The following FHIP2A variants were observed in gnomAD, a reference collection of about 807,000 sequenced individuals.
FHIP2A encodes family with sequence similarity 160 member B1.
FHIP2A carries 46 observed loss-of-function variants against 93.5 expected under a neutral mutation model. That is an observed-to-expected ratio of 0.49 (90% CI 0.39 to 0.63). The LOEUF (loss-of-function observed/expected upper bound fraction) is 0.63. Among genes scored for constraint, FHIP2A ranks in the 20% least tolerant of loss-of-function variants. The probability of loss-of-function intolerance (pLI) is 0.00; values close to 1 mark genes in which losing one functional copy is unlikely to be tolerated. For missense variants in FHIP2A, 769 were observed against 909.7 expected, an observed-to-expected ratio of 0.85 and a Z score of 1.99; for synonymous variants, 332 against 326.5, an observed-to-expected ratio of 1.02 and a Z score of -0.18.
rs796714377 is a variant in FHIP2A at position 114,875,912 on chromosome 10, G to A, written c.2192+14578G>A. On this transcript the variant is annotated intron_variant, in intron 16 of 16. Transcript: ENST00000369250. The stretch of plus-strand genomic sequence containing the variant: ...AGAGAGAGAAAGAAATAAAGAAAGA[G>A]AAAGAAAGAAAGAAAGAAAGAGAAA... 9.2e-3 allele frequency among the ~76,000 whole-genome samples: 414 copies of A among 44,834 alleles called. 11 individuals carry two copies. Among genetic ancestry groups the A allele is most frequent in the African/African-American group, 0.015 (216 of 14,144 alleles). 29.4% of individuals were successfully genotyped at this position (44,834 alleles called of 152,430 possible).
chr10:114,826,161 C>A (rs1391076427), intron 1 of FHIP2A, among the ~76,000 whole-genome samples: 3 of 152,220 alleles, frequency 2.0e-5, no homozygotes, highest in Admixed American at 6.5e-5. Context: ...TGAGTCACCA[C>A]GAAAGCCTGG....
chr10:114,861,438 T>C lies in FHIP2A; in HGVS notation c.2196T>C (p.Ile732=). 6.2e-7 allele frequency: 1 copy of C among 1,614,128 alleles called. No homozygotes were observed. Among genetic ancestry groups the C allele is most frequent in the Non-Finnish European group, 8.5e-7 (1 of 1,180,012 alleles). Residue 732 remains isoleucine, a synonymous_variant, in exon 17 of 17, where the codon ATT becomes ATC. Coordinates refer to ENST00000369248, the MANE Select transcript of FHIP2A (RefSeq NM_020940.4). The part of the protein sequence containing the change: ...LLGLEPEGPI[I]DHITLLEGVI... ...TTGTCTGTTTTTTCCTTACCAGTAT[T>C]GACCACATCACACTGCTAGAGGGTG...
At chr10:114,882,785 G>C (rs926281427) in intron 16 of FHIP2A, among the ~76,000 whole-genome samples, 2 of 151,456 alleles carry the variant, frequency 1.3e-5, no homozygotes, top group Non-Finnish European at 2.9e-5. Flanking sequence ...TGAGGCAGGA[G>C]AATTGCTTGA....
chr10:114,833,435 A>G lies in FHIP2A; in HGVS notation c.294+33A>G, dbSNP rs59760966. On this transcript the variant is annotated intron_variant, in intron 3 of 16. Coordinates refer to ENST00000369248, the MANE Select transcript of FHIP2A (RefSeq NM_020940.4). Reference sequence around the variant, plus strand: ...CCTGATCCACACCATGTTCTTGGGCATTAGTACATGCATTAATGTCTTACG... The same window carrying G: ...CCTGATCCACACCATGTTCTTGGGCGTTAGTACATGCATTAATGTCTTACG... 1.4e-3 allele frequency: 2,244 copies of G among 1,575,732 alleles called. 21 individuals carry two copies. The African/African-American group carries it at 0.028, about 19-fold the overall frequency.
At chr10:114,859,787 A>G (rs1312818921) in intron 14 of FHIP2A, among the ~76,000 whole-genome samples, 2 of 152,232 alleles carry the variant, frequency 1.3e-5, no homozygotes, top group South Asian at 4.1e-4. Context: ...GGAACTGTAC[A>G]CAGATATACA....
At chr10:114,898,585 C>T (rs2084012174) in intron 16 of FHIP2A, among the ~76,000 whole-genome samples, 1 of 152,178 alleles carries the variant, frequency 6.6e-6, no homozygotes, top group East Asian at 1.9e-4. Context: ...CTCTCCCCGA[C>T]TCTTAGGTTA....
chr10:114,845,156 C>T (rs766682871), intron 7 of FHIP2A, among the ~76,000 whole-genome samples: 8 of 152,090 alleles, frequency 5.3e-5, no homozygotes, highest in Non-Finnish European at 7.4e-5. Context: ...CTACTTAATA[C>T]GTGAAAATTA....
At chr10:114,867,468 A>G (rs2083835306), downstream of FHIP2A, among the ~76,000 whole-genome samples, 1 of 152,202 alleles carries the variant, frequency 6.6e-6, no homozygotes, top group Non-Finnish European at 1.5e-5. Context: ...AAACCAAAAG[A>G]TTAAATTGGA....
chr10:114,840,665 G>A (rs11196945), intron 5 of FHIP2A, among the ~76,000 whole-genome samples: 62,552 of 151,964 alleles, frequency 0.41, 13,434 homozygotes, highest in Non-Finnish European at 0.48. Flanking sequence ...GGCTCTATAT[G>A]GCCTTGTAAC....
chr10:114,869,516 G>A (rs1303279889), downstream of FHIP2A, among the ~76,000 whole-genome samples: 1 of 151,988 alleles, frequency 6.6e-6, no homozygotes, highest in African/African-American at 2.4e-5. Context: ...CGTTGGTGTT[G>A]GGCTCCCACA....
rs79881407 is a variant in FHIP2A at position 114,889,953 on chromosome 10, C to A, written c.2193-9537C>A. Among the ~76,000 whole-genome samples the A allele has an allele frequency of 9.3e-3, 1,424 of 152,326 alleles. 26 individuals are homozygous for A. The highest frequency in any genetic ancestry group is 0.016 in the Non-Finnish European group (1,088 of 68,022). On this transcript the variant is annotated intron_variant, in intron 16 of 16. Coordinates refer to the FHIP2A transcript ENST00000369250. ...CATTGCTTTGCCAGGTTTCCCGGAG[C>A]CAACCCCACAGTGACCTTGCCCCAT... is the stretch of plus-strand genomic sequence containing the variant.
intron 16 of FHIP2A, among the ~76,000 whole-genome samples, chr10:114,892,963 A>C (rs1161742877): frequency 1.3e-5 from 2 of 152,208 alleles, no homozygotes; most frequent in African/African-American, 4.8e-5. Context: ...CTAAACATTA[A>C]ACAGGGATAA....
At chr10:114,891,219 A>AC (rs1041197298) in intron 16 of FHIP2A, among the ~76,000 whole-genome samples, 5 of 138,466 alleles carry the variant, frequency 3.6e-5, no homozygotes, top group African/African-American at 1.3e-4. Flanking sequence ...AACAACAACA[A>AC]ATATATATAT....
rs531977982 is a variant in FHIP2A at position 114,845,945 on chromosome 10, T to C, written c.1129-68T>C. The C allele has an allele frequency of 1.8e-4, 227 of 1,242,872 alleles. 2 individuals carry two copies. In the Admixed American group the frequency reaches 4.3e-3, roughly 23 times the overall value. The allele number at this position is 1,242,872 out of a possible 1,614,324, so 77.0% of individuals were successfully genotyped here. On this transcript the variant is annotated intron_variant, in intron 8 of 16. Transcript: ENST00000369248. ...AATTCAGTTGGGAGTCCAAACTGAT[T>C]TATTGATGTTACAAATTAGTCTTTC...
intron 16 of FHIP2A, among the ~76,000 whole-genome samples, chr10:114,877,651 T>C (rs1592031739): frequency 6.6e-6 from 1 of 152,114 alleles, no homozygotes; most frequent in Admixed American, 6.5e-5. Flanking sequence ...AAAATTCTAA[T>C]TGAGACATTG....
At chr10:114,857,482 G>A (rs1430560161) in intron 14 of FHIP2A, among the ~76,000 whole-genome samples, 2 of 151,248 alleles carry the variant, frequency 1.3e-5, no homozygotes, top group Non-Finnish European at 2.9e-5. Flanking sequence ...GCAAATTTTT[G>A]TATTTTTAAT....
intron 1 of FHIP2A, among the ~76,000 whole-genome samples, chr10:114,829,595 A>C (rs1324304870): frequency 6.6e-6 from 1 of 152,162 alleles, no homozygotes; most frequent in Non-Finnish European, 1.5e-5. Flanking sequence ...CAGGGTCTTT[A>C]TGACCTGTAT....
intron 14 of FHIP2A, among the ~76,000 whole-genome samples, chr10:114,857,314 C>CTTTTTTTTTTTTTTT (rs78583275): frequency 0.015 from 1,850 of 120,256 alleles, 223 homozygotes; most frequent in Non-Finnish European, 0.022. Flanking sequence ...ATTTCTTCTT[C>CTTTTTTTTTTTTTTT]TTTTTTTTTT....
At position 114,842,966 on chromosome 10, in the gene FHIP2A, C is replaced by G. The variant is rs933794367; in HGVS notation, c.556C>G (p.Pro186Ala). Residue 186 changes from proline to alanine, a missense_variant, in exon 6 of 17, where the codon CCA becomes GCA. Pro to Ala is a conservative substitution (Grantham distance 27). Transcript: ENST00000369248. ...KMKSLASKGVPNVISEDTLKG... is the reference protein window; with the variant it reads ...KMKSLASKGVANVISEDTLKG... ...GAAATCATTGGCTTCCAAAGGAGTA[C>G]CAAATGTAATTTCAGAAGATACATT... 6.2e-7 allele frequency: 1 copy of G among 1,607,984 alleles called. No homozygotes were observed. The highest frequency in any genetic ancestry group is 8.5e-7 in the Non-Finnish European group (1 of 1,175,038).
Sources: gnomAD v4.1 joint callset for allele counts (sites outside exome capture counted in the v4.1 genomes callset) on GRCh38, gnomAD v4.1.1 for gene constraint, MANE v1.5 for transcripts, NCBI Gene and HGNC (gene_info 2026-07-23, HGNC 2026-07-21) for gene names.